The following GK variants were observed in gnomAD, a reference collection of about 807,000 sequenced individuals.
The protein encoded by GK is ATP:glycerol 3-phosphotransferase.
In GK, 9 loss-of-function variants were observed where a neutral mutation model predicts 56.4. The ratio of observed to expected loss-of-function variants is 0.16; its 90% CI spans 0.10 to 0.28. GK has a LOEUF of 0.28. Ranked by LOEUF, GK falls within the 10% of genes least tolerant of loss-of-function variation. The pLI is 1.00. For missense variants in GK, 161 were observed against 431.4 expected, an observed-to-expected ratio of 0.37 and a Z score of 5.55; for synonymous variants, 104 against 144.1, an observed-to-expected ratio of 0.72 and a Z score of 1.99.
chrX:30,691,378 G>A (rs1337278411), intron 5 of GK, among the ~76,000 whole-genome samples, 179 bp downstream of exon 5: 8 of 110,297 alleles, frequency 7.3e-5, no homozygotes, highest in African/African-American at 3.3e-5. Context: ...CTTGCTCTGT[G>A]GTGGATTGGA....
At position 30,728,824 on chromosome X, in the gene GK, A is replaced by G. The variant is rs1011896997; in HGVS notation, c.*82A>G. The G allele has an allele frequency of 2.0e-5, 14 of 688,993 alleles. No individual in the cohort carries two copies. The highest frequency in any genetic ancestry group is 8.9e-5 in the Admixed American group (4 of 44,859). The allele number at this position is 688,993 out of a possible 1,213,427, so 56.8% of individuals were successfully genotyped here. ...AGCAATTCTGTCTCTTAATGCAATG[A>G]CACTATTCATAGACTTTGATTTTAT... On this transcript the variant is annotated 3_prime_UTR_variant, in exon 21 of 21. Coordinates refer to ENST00000427190, the MANE Select transcript of GK (RefSeq NM_001205019.2).
Position 30,730,804 on chromosome X carries a change from AG to A in GK, c.*2063del, listed in dbSNP as rs1937316291. 9.0e-6 allele frequency: 1 copy of A among 111,072 alleles called. No individual in the cohort carries two copies. The highest frequency in any genetic ancestry group is 3.7e-4 in the South Asian group (1 of 2,678). 9.2% of individuals were successfully genotyped at this position (111,072 alleles called of 1,213,427 possible). Reference sequence around the variant, plus strand: ...CCCTATCTCTACTAAAAAAAAAAAAAGATGTTTCAGGACATGTGAAACTTGG... The same window carrying A: ...CCCTATCTCTACTAAAAAAAAAAAAAATGTTTCAGGACATGTGAAACTTGG... On this transcript the variant is annotated 3_prime_UTR_variant, in exon 21 of 21. Coordinates refer to ENST00000427190, the MANE Select transcript of GK (RefSeq NM_001205019.2).
At chrX:30,662,763 TTCCTTCTCTC>T (rs1325243285) in intron 1 of GK, among the ~76,000 whole-genome samples, 2 of 95,845 alleles carry the variant, frequency 2.1e-5, no homozygotes, top group Admixed American at 2.2e-4. Context: ...CCTTCCTTCC[TTCCTTCTCTC>T]TCTCTCTCTC....
chrX:30,655,022 C>T (rs1446895817), intron 1 of GK, among the ~76,000 whole-genome samples: 2 of 111,898 alleles, frequency 1.8e-5, no homozygotes, highest in African/African-American at 3.2e-5. Flanking sequence ...CTAAAAACTG[C>T]ATTTGTGCTT....
chrX:30,708,348 C>G (rs1936130544), intron 13 of GK, among the ~76,000 whole-genome samples: 1 of 110,339 alleles, frequency 9.1e-6, no homozygotes, highest in Non-Finnish European at 1.9e-5. Context: ...AGTTCTTATG[C>G]CAATTAATCA....
At chrX:30,713,327 T>A (rs865775388) in intron 13 of GK, among the ~76,000 whole-genome samples, 24 of 112,067 alleles carry the variant, frequency 2.1e-4, no homozygotes, top group African/African-American at 7.8e-4. Context: ...GCCATCATGC[T>A]TGTGGCTTCA....
chrX:30,718,930 C>T (rs956875139), intron 14 of GK, among the ~76,000 whole-genome samples: 4 of 111,691 alleles, frequency 3.6e-5, no homozygotes, highest in African/African-American at 1.3e-4. Flanking sequence ...TGAGAAAGAG[C>T]TTTAACTCTT....
intron 9 of GK, among the ~76,000 whole-genome samples, chrX:30,699,388 C>T (rs1466036048): frequency 2.5e-5 from 2 of 80,444 alleles, no homozygotes; most frequent in South Asian, 6.3e-4. Flanking sequence ...TTTTTTGAGA[C>T]GGAGGCTCAC....
chrX:30,669,235 T>C (rs1409323384), intron 3 of GK, among the ~76,000 whole-genome samples: 2 of 103,479 alleles, frequency 1.9e-5, no homozygotes, highest in African/African-American at 3.6e-5. Flanking sequence ...AAGGCTGGAG[T>C]GCAGTGGCAT....
At chrX:30,726,043 T>C (rs1400986591) in intron 19 of GK, among the ~76,000 whole-genome samples, 1 of 111,063 alleles carries the variant, frequency 9.0e-6, no homozygotes, top group Non-Finnish European at 1.9e-5. Flanking sequence ...CGGTTGAGGA[T>C]GTAATTTTAA....
chrX:30,710,102 C>A (rs1936244954), intron 13 of GK, among the ~76,000 whole-genome samples: 1 of 111,422 alleles, frequency 9.0e-6, no homozygotes, highest in African/African-American at 3.3e-5. Context: ...GACAATATAC[C>A]CTCCTATCCC....
intron 13 of GK, among the ~76,000 whole-genome samples, chrX:30,710,514 A>G (rs756891703): frequency 8.9e-5 from 10 of 112,170 alleles, no homozygotes; most frequent in Non-Finnish European, 1.7e-4. Context: ...GAATAATGCT[A>G]GACTGGTAAA....
chrX:30,656,717 A>G (rs1016871293), intron 1 of GK, among the ~76,000 whole-genome samples: 1 of 112,293 alleles, frequency 8.9e-6, no homozygotes, highest in African/African-American at 3.2e-5. Flanking sequence ...CTTTTAAGCT[A>G]TTTGTCATGT....
intron 1 of GK, among the ~76,000 whole-genome samples, chrX:30,657,676 G>T (rs73452124): frequency 2.0e-4 from 22 of 111,909 alleles, no homozygotes; most frequent in African/African-American, 6.8e-4. Flanking sequence ...ATTAGACTGT[G>T]GCTGAGGATT....
intron 3 of GK, chrX:30,674,402 T>C (rs1933739976): frequency 9.1e-6 from 3 of 329,752 alleles, no homozygotes; most frequent in Non-Finnish European, 1.2e-5. Context: ...CTGCCAACTT[T>C]CCTTCATCAC....
intron 1 of GK, among the ~76,000 whole-genome samples, chrX:30,664,860 C>T (rs193169337): frequency 2.8e-5 from 3 of 108,893 alleles, no homozygotes; most frequent in East Asian, 5.8e-4. Context: ...CCCACCACCA[C>T]GCCTGGCTAA....
At chrX:30,655,911 G>GT (rs1380338467) in intron 1 of GK, among the ~76,000 whole-genome samples, 4 of 112,179 alleles carry the variant, frequency 3.6e-5, no homozygotes, top group Non-Finnish European at 7.5e-5. Context: ...ACTGGGTTCT[G>GT]TGAGGCCTCG....
chrX:30,684,744 A>C (rs927964055), intron 4 of GK, among the ~76,000 whole-genome samples: 1 of 107,668 alleles, frequency 9.3e-6, no homozygotes, highest in African/African-American at 3.4e-5. Context: ...CTGGCTTAAC[A>C]CTTTTAGGAT....
intron 1 of GK, 73 bp downstream of exon 1, chrX:30,653,688 T>G: frequency 1.1e-6 from 1 of 936,872 alleles, no homozygotes; most frequent in East Asian, 3.1e-5. Context: ...GTGGCTGTTG[T>G]GTCCCCATCC....
Sources: allele counts gnomAD v4.1 joint callset (sites outside exome capture counted in the v4.1 genomes callset), GRCh38; gene constraint gnomAD v4.1.1; transcripts MANE v1.5; gene names NCBI Gene and HGNC (gene_info 2026-07-23, HGNC 2026-07-21).